The following ZNF536 variants were observed in gnomAD, a reference collection of about 807,000 sequenced individuals.
The protein encoded by ZNF536 is zinc finger protein 536.
Under a neutral mutation model 84.5 loss-of-function variants are expected in ZNF536, and 13 were observed. The observed-to-expected ratio is 0.15, with a 90% CI of 0.10 to 0.24. ZNF536 has a LOEUF of 0.24. Ranked by LOEUF, ZNF536 falls within the 10% of genes least tolerant of loss-of-function variation. ZNF536 has a pLI of 1.00. For missense variants in ZNF536, 1,536 were observed against 1,747.5 expected, an observed-to-expected ratio of 0.88 and a Z score of 2.16; for synonymous variants, 811 against 742.5, an observed-to-expected ratio of 1.09 and a Z score of -1.50.
At chr19:30,535,050 C>G (rs2145941925) in intron 3 of ZNF536, 51 bp downstream of exon 3, 2 of 1,549,774 alleles carry the variant, frequency 1.3e-6, no homozygotes, top group Admixed American at 3.8e-5. Context: ...GGAGGAGGTC[C>G]CCGTCCTGCC....
intron 2 of ZNF536, among the ~76,000 whole-genome samples, chr19:30,323,779 A>G (rs1841432350): frequency 6.6e-6 from 1 of 152,044 alleles, no homozygotes. Flanking sequence ...GAGAGTTTCT[A>G]TCCCTCTGCT....
intron 1 of ZNF536, among the ~76,000 whole-genome samples, chr19:30,670,468 T>TG (rs886443005): frequency 1.3e-5 from 2 of 152,202 alleles, no homozygotes; most frequent in African/African-American, 4.8e-5. Context: ...AGGCTGTCTG[T>TG]GGGATGCCCG....
intron 1 of ZNF536, among the ~76,000 whole-genome samples, chr19:30,594,351 G>A (rs1291994382): frequency 3.3e-5 from 5 of 152,130 alleles, no homozygotes; most frequent in African/African-American, 1.2e-4. Context: ...GCCTGTCCCA[G>A]GCTGGTTTCC....
At chr19:30,544,194 G>A (rs1175249507) in intron 3 of ZNF536, among the ~76,000 whole-genome samples, 1 of 152,184 alleles carries the variant, frequency 6.6e-6, no homozygotes, top group African/African-American at 2.4e-5. Flanking sequence ...CCCAAACCAA[G>A]CCCTTTAGCG....
At chr19:30,414,338 T>G (rs1333687523) in intron 1 of ZNF536, among the ~76,000 whole-genome samples, 2 of 152,204 alleles carry the variant, frequency 1.3e-5, no homozygotes, top group Non-Finnish European at 2.9e-5. Flanking sequence ...TTCTTTTTTA[T>G]ACATGATTTT....
At chr19:30,535,911 G>A (rs1049032408) in intron 3 of ZNF536, among the ~76,000 whole-genome samples, 3 of 152,048 alleles carry the variant, frequency 2.0e-5, no homozygotes, top group Non-Finnish European at 2.9e-5. Flanking sequence ...TTGAGTGCAC[G>A]CGGGCTGCAT....
At chr19:30,466,439 CT>C (rs1284933502) in intron 2 of ZNF536, among the ~76,000 whole-genome samples, 1 of 151,054 alleles carries the variant, frequency 6.6e-6, no homozygotes, top group Non-Finnish European at 1.5e-5. Flanking sequence ...TGGTGCATGC[CT>C]GTAGTTGTAG....
chr19:30,687,886 T>G (rs554137783), intron 1 of ZNF536, among the ~76,000 whole-genome samples: 1 of 152,206 alleles, frequency 6.6e-6, no homozygotes, highest in South Asian at 2.1e-4. Flanking sequence ...CACTGACTAT[T>G]ACGTATTTTC....
intron 1 of ZNF536, among the ~76,000 whole-genome samples, chr19:30,710,537 T>G (rs187007553): frequency 5.3e-5 from 8 of 152,262 alleles, no homozygotes; most frequent in Admixed American, 5.2e-4. Flanking sequence ...CGGGACTTGA[T>G]CTCTAAAAAC....
At chr19:30,328,904 C>A (rs1372520542) in intron 2 of ZNF536, among the ~76,000 whole-genome samples, 2 of 152,238 alleles carry the variant, frequency 1.3e-5, no homozygotes, top group Non-Finnish European at 2.9e-5. Flanking sequence ...CTCGATTTCT[C>A]TCTCTCACTT....
intron 1 of ZNF536, among the ~76,000 whole-genome samples, chr19:30,401,232 T>C (rs1326346197): frequency 6.6e-6 from 1 of 152,062 alleles, no homozygotes; most frequent in East Asian, 1.9e-4. Context: ...GATCTATCTA[T>C]TTTTTTTCTT....
chr19:30,237,869 G>A (rs2023656800), intron 1 of ZNF536, among the ~76,000 whole-genome samples: 1 of 151,958 alleles, frequency 6.6e-6, no homozygotes, highest in Non-Finnish European at 1.5e-5. Context: ...TTGTAAATGA[G>A]GAAGAGCTGG....
At chr19:30,259,123 G>C (rs7253788) in intron 1 of ZNF536, among the ~76,000 whole-genome samples, 93,445 of 152,050 alleles carry the variant, frequency 0.61, 30,988 homozygotes, top group East Asian at 0.91. Context: ...CTCAACCCCC[G>C]CTTTTTCATT....
chr19:30,688,028 AAAAAAG>A (rs1409509279), intron 1 of ZNF536, among the ~76,000 whole-genome samples: 2 of 145,450 alleles, frequency 1.4e-5, no homozygotes, highest in African/African-American at 5.2e-5. Flanking sequence ...AAAAAAAAAA[AAAAAAG>A]GGCAGGCAGC....
Position 30,455,458 on chromosome 19 carries a change from T to C in ZNF536, c.2170+9726T>C, listed in dbSNP as rs113600959. On this transcript the variant is annotated intron_variant, in intron 2 of 4. Transcript: ENST00000355537. ...TGGCTCATGCCTGTATTCCAACACT[T>C]TGGGAGGCCGAGGTGGGCAGATCAC... 6.9e-3 allele frequency among the ~76,000 whole-genome samples: 1,051 copies of C among 152,258 alleles called. 15 individuals carry two copies. Among genetic ancestry groups the C allele is most frequent in the African/African-American group, 0.024 (1,009 of 41,540 alleles).
At chr19:30,264,657 A>T (rs899841406) in intron 1 of ZNF536, among the ~76,000 whole-genome samples, 26 of 151,976 alleles carry the variant, frequency 1.7e-4, no homozygotes, top group Non-Finnish European at 7.4e-5. Context: ...AGACAGACAG[A>T]CACACACACA....
intron 1 of ZNF536, among the ~76,000 whole-genome samples, chr19:30,414,482 T>C (rs1445976455): frequency 6.6e-6 from 1 of 152,220 alleles, no homozygotes; most frequent in Non-Finnish European, 1.5e-5. Flanking sequence ...TTTCATTTTT[T>C]TTCTTTTCTG....
chr19:30,337,358 T>A (rs1211834737), intron 2 of ZNF536, among the ~76,000 whole-genome samples: 1 of 152,238 alleles, frequency 6.6e-6, no homozygotes, highest in Non-Finnish European at 1.5e-5. Context: ...TGTGTCCGCA[T>A]GAACTGTAGA....
chr19:30,362,592 C>A (rs576976838), intron 3 of ZNF536, among the ~76,000 whole-genome samples: 1 of 152,286 alleles, frequency 6.6e-6, no homozygotes, highest in East Asian at 1.9e-4. Flanking sequence ...ACTCATTTGC[C>A]TGGAGAGTTT....
Sources: allele counts gnomAD v4.1 joint callset (sites outside exome capture counted in the v4.1 genomes callset), GRCh38; gene constraint gnomAD v4.1.1; transcripts MANE v1.5; gene names NCBI Gene and HGNC (gene_info 2026-07-23, HGNC 2026-07-21).